The following NIBAN2 variants were observed in gnomAD, a reference collection of about 807,000 sequenced individuals.
NIBAN2 encodes niban apoptosis regulator 2.
A neutral mutation model predicts 81.8 loss-of-function variants in NIBAN2; 36 were observed. The observed-to-expected ratio is 0.44, with a 90% CI of 0.34 to 0.58. The LOEUF is 0.58. Ranked by LOEUF, NIBAN2 falls within the 20% of genes least tolerant of loss-of-function variation. The probability of loss-of-function intolerance (pLI) is 0.02; values close to 1 mark genes in which losing one functional copy is unlikely to be tolerated. For missense variants in NIBAN2, 897 were observed against 1,014.1 expected (o/e 0.88, Z 1.57); for synonymous variants, 445 against 441.6 (o/e 1.01, Z -0.10).
chr9:127,532,412 A>G lies in NIBAN2; in HGVS notation c.56-634T>C, dbSNP rs577535240. Among the ~76,000 whole-genome samples, 10 of 152,248 alleles carry G rather than the reference A, an allele frequency of 6.6e-5. No homozygotes were observed. In the East Asian group the frequency reaches 1.5e-3, roughly 24 times the overall value. ...GGAGTTCAAGCCCAATGTGGCCAAC[A>G]TGGCGAAATCCTGTCTCTACTAAAA... On this transcript the variant is annotated intron_variant, in intron 1 of 13. Transcript: ENST00000373312.
chr9:127,510,051 G>A (rs1836704032), intron 9 of NIBAN2, 95 bp downstream of exon 9: 1 of 1,227,558 alleles, frequency 8.1e-7, no homozygotes, highest in Non-Finnish European at 1.1e-6. Flanking sequence ...GGCCTTGGAG[G>A]GGAACGGCTG....
At position 127,515,531 on chromosome 9, in the gene NIBAN2, A is replaced by C. The variant is rs576344038; in HGVS notation, c.973+1326T>G. The stretch of plus-strand genomic sequence containing the variant: ...GCGAGACTCCGTCTCAAAAAAAAAA[A>C]AAAAAAAACAAACAAAAAAAACAGG... On this transcript the variant is annotated intron_variant, in intron 8 of 13. Transcript: ENST00000373312. 1.6e-4 allele frequency among the ~76,000 whole-genome samples: 11 copies of C among 67,966 alleles called. No homozygotes were observed. The South Asian group carries it at 2.1e-3, about 13-fold the overall frequency. The allele number at this position is 67,966 out of a possible 152,430, so 44.6% of individuals were successfully genotyped here.
intron 1 of NIBAN2, among the ~76,000 whole-genome samples, chr9:127,566,570 C>T (rs940576808): frequency 1.3e-5 from 2 of 152,186 alleles, no homozygotes; most frequent in Non-Finnish European, 2.9e-5. Context: ...TGGCATTCAC[C>T]TGCTCACCTG....
At chr9:127,546,077 A>G (rs10987679) in intron 1 of NIBAN2, among the ~76,000 whole-genome samples, 39,447 of 152,124 alleles carry the variant, frequency 0.26, 6,152 homozygotes, top group East Asian at 0.55. Context: ...CAAGGCTGCC[A>G]TCCTGCGGCC....
At chr9:127,558,692 G>A (rs767090034) in intron 1 of NIBAN2, among the ~76,000 whole-genome samples, 2 of 151,942 alleles carry the variant, frequency 1.3e-5, no homozygotes, top group Admixed American at 6.6e-5. Flanking sequence ...TCTACCCTTC[G>A]CCTCCCAGAG....
intron 1 of NIBAN2, among the ~76,000 whole-genome samples, chr9:127,557,366 C>T (rs533995917): frequency 6.6e-6 from 1 of 152,170 alleles, no homozygotes; most frequent in Admixed American, 6.5e-5. Flanking sequence ...GAAACTGAGG[C>T]TTGGAGGAGA....
At chr9:127,528,755 TA>T (rs1334674512) in intron 2 of NIBAN2, among the ~76,000 whole-genome samples, 1 of 152,160 alleles carries the variant, frequency 6.6e-6, no homozygotes, top group Non-Finnish European at 1.5e-5. Context: ...CGTCTATGTA[TA>T]AACTGCCCAC....
chr9:127,561,769 G>A, intron 1 of NIBAN2, among the ~76,000 whole-genome samples: 1 of 152,230 alleles, frequency 6.6e-6, no homozygotes, highest in Non-Finnish European at 1.5e-5. Context: ...AAATTTTTGA[G>A]ATCAAAAGAT....
chr9:127,570,879 G>T (rs935329738), upstream of NIBAN2, among the ~76,000 whole-genome samples: 4 of 152,274 alleles, frequency 2.6e-5, no homozygotes, highest in Admixed American at 6.5e-5. Context: ...GAGGCCCAGA[G>T]AGGGAAAGTG....
At chr9:127,551,392 G>A (rs906325458) in intron 1 of NIBAN2, among the ~76,000 whole-genome samples, 4 of 152,014 alleles carry the variant, frequency 2.6e-5, no homozygotes, top group African/African-American at 9.7e-5. Flanking sequence ...GTACAGTGGT[G>A]GGCACCTGTA....
At chr9:127,540,206 C>T (rs756976601) in intron 1 of NIBAN2, among the ~76,000 whole-genome samples, 8 of 152,166 alleles carry the variant, frequency 5.3e-5, no homozygotes, top group African/African-American at 1.2e-4. Context: ...TTAAGGGCCA[C>T]GCTACTTCCT....
chr9:127,510,123 C>T, intron 9 of NIBAN2, 23 bp downstream of exon 9: 1 of 1,591,102 alleles, frequency 6.3e-7, no homozygotes, highest in Non-Finnish European at 8.6e-7. Flanking sequence ...GAGACCCCCT[C>T]CTAGGGGCGG....
intron 1 of NIBAN2, among the ~76,000 whole-genome samples, chr9:127,537,817 T>C (rs540869290): frequency 5.4e-5 from 8 of 148,004 alleles, no homozygotes; most frequent in African/African-American, 2.0e-4. Context: ...GAAAGGCCAC[T>C]CTGTCAGTCC....
Position 127,509,052 on chromosome 9 carries a change from A to G in NIBAN2, c.1241T>C (p.Leu414Pro). 6.2e-7 allele frequency: 1 copy of G among 1,613,808 alleles called. No individual in the cohort carries two copies. Among genetic ancestry groups the G allele is most frequent in the South Asian group, 1.1e-5 (1 of 91,058 alleles). The change falls in exon 10 of 14, where the codon CTG (leucine) becomes CCG (proline). Residue 414 changes from leucine (L) to proline (P), a missense_variant. Physicochemically the swap from Leu to Pro is moderately conservative, Grantham distance 98. This residue lies in a region of NIBAN2 where 619 missense variants were observed against 691.0 expected (regional missense o/e 0.90). Coordinates refer to ENST00000373312, the MANE Select transcript of NIBAN2 (RefSeq NM_022833.4). ...SCYEKMESLRLDGLQQRFDVS... is the reference protein window; with the variant it reads ...SCYEKMESLRPDGLQQRFDVS... Reference sequence around the variant, plus strand: ...ATCAAATCGCTGCTGCAGCCCGTCCAGTCGCAGCGACTCCATCTTCTCATA... The same window carrying G: ...ATCAAATCGCTGCTGCAGCCCGTCCGGTCGCAGCGACTCCATCTTCTCATA...
chr9:127,555,886 G>A (rs1004553384), intron 1 of NIBAN2, among the ~76,000 whole-genome samples: 1 of 152,194 alleles, frequency 6.6e-6, no homozygotes, highest in Non-Finnish European at 1.5e-5. Flanking sequence ...CAGGGGCAGG[G>A]CCCAGGTGAG....
chr9:127,534,314 C>CT, intron 1 of NIBAN2, among the ~76,000 whole-genome samples: 1 of 152,320 alleles, frequency 6.6e-6, no homozygotes, highest in South Asian at 2.1e-4. Context: ...GGGCACCTGG[C>CT]TAGGATGACA....
rs750650294 is a variant in NIBAN2 at position 127,545,530 on chromosome 9, C to T, written c.56-13752G>A. Among the ~76,000 whole-genome samples the T allele has an allele frequency of 3.3e-5, 5 of 152,178 alleles. No individual in the cohort carries two copies. The highest frequency in any genetic ancestry group is 9.7e-5 in the African/African-American group (4 of 41,430). On this transcript the variant is annotated intron_variant, in intron 1 of 13. Transcript: ENST00000373312. The surrounding 1 kb of genome is among the most constrained non-coding windows in gnomAD (Gnocchi z 4.7). ...AGGGACTCAGTCTGAGGGCACAGGC[C>T]GTCTGGGTCTCATCACAGAGGCAGG...
intron 1 of NIBAN2, among the ~76,000 whole-genome samples, chr9:127,567,606 C>A (rs529901476): frequency 6.6e-6 from 1 of 152,310 alleles, no homozygotes; most frequent in South Asian, 2.1e-4. Context: ...TTAAAGGACA[C>A]CTGGCCACTG....
chr9:127,533,926 C>T (rs945144901), intron 1 of NIBAN2, among the ~76,000 whole-genome samples: 6 of 152,346 alleles, frequency 3.9e-5, no homozygotes, highest in South Asian at 2.1e-4. Flanking sequence ...CTGTCTTCTG[C>T]GCGGTTTCTG....
Sources: allele counts gnomAD v4.1 joint callset (sites outside exome capture counted in the v4.1 genomes callset), GRCh38; gene constraint gnomAD v4.1.1; regional missense constraint gnomAD v4.1.1; non-coding constraint Gnocchi (gnomAD v3.1); transcripts MANE v1.5; gene names NCBI Gene and HGNC (gene_info 2026-07-23, HGNC 2026-07-21).